RBM34: variants seen among roughly 807,000 people sequenced by gnomAD.
The protein encoded by RBM34 is RNA binding motif protein 34, also known as RNA-binding protein 34.
RBM34 carries 39 observed loss-of-function variants against 44.6 expected under a neutral mutation model. The observed-to-expected ratio is 0.87, with a 90% CI of 0.68 to 1.14. The LOEUF is 1.14. Ranked by LOEUF, RBM34 falls within the 50% of genes most tolerant of loss-of-function variation. The pLI, the probability that RBM34 is intolerant of heterozygous loss-of-function variation, is 0.00. For synonymous variants in RBM34, 194 were observed against 184.0 expected, an observed-to-expected ratio of 1.05 and a Z score of -0.44; for missense variants, 572 against 517.9, an observed-to-expected ratio of 1.10 and a Z score of -1.01.
At chr1:235,148,743 C>T (rs1662022089) in intron 5 of RBM34, among the ~76,000 whole-genome samples, 1 of 151,966 alleles carries the variant, frequency 6.6e-6, no homozygotes. Flanking sequence ...GGACTACAGG[C>T]GCCCGCCACC....
chr1:235,149,324 G>A (rs993373628), intron 5 of RBM34, among the ~76,000 whole-genome samples: 4 of 148,584 alleles, frequency 2.7e-5, no homozygotes, highest in African/African-American at 7.5e-5. Flanking sequence ...GGGAGGCGGA[G>A]CTTGCAGTGA....
chr1:235,145,825 G>A (rs556954010), intron 6 of RBM34, among the ~76,000 whole-genome samples: 9 of 152,016 alleles, frequency 5.9e-5, no homozygotes, highest in Non-Finnish European at 1.3e-4. Context: ...CTTGCTTGTC[G>A]CTCAGGCTAC....
In RBM34 at chr1:235,147,296, G is replaced by A. The variant is rs984328627; in HGVS notation, c.701+1108C>T. Among the ~76,000 whole-genome samples the A allele has an allele frequency of 3.9e-5, 6 of 152,232 alleles. No homozygotes were observed. In the East Asian group the frequency reaches 5.8e-4, roughly 15 times the overall value. On this transcript the variant is annotated intron_variant, in intron 6 of 10. Coordinates refer to ENST00000408888, the MANE Select transcript of RBM34 (RefSeq NM_015014.4). ...AGATGGGGCTGGAGGAGAAGCTGAC[G>A]GTATGGTGTGAAAATTCCAATTTTC...
intron 10 of RBM34, among the ~76,000 whole-genome samples, chr1:235,133,346 C>CA (rs1339877973): frequency 1.3e-5 from 2 of 151,820 alleles, no homozygotes; most frequent in East Asian, 1.9e-4. Context: ...GTCTCAAAAA[C>CA]AAAAAACACA....
At position 235,131,530 on chromosome 1, in the gene RBM34, A is replaced by C; in HGVS notation, c.*183T>G. The C allele has an allele frequency of 1.5e-6, 1 of 685,330 alleles. No individual in the cohort carries two copies. 42.5% of individuals were successfully genotyped at this position (685,330 alleles called of 1,614,324 possible). On this transcript the variant is annotated 3_prime_UTR_variant, in exon 11 of 11. Coordinates refer to ENST00000408888, the MANE Select transcript of RBM34 (RefSeq NM_015014.4). The stretch of plus-strand genomic sequence containing the variant: ...TCTCAAAAAACAAAACAAAAACAAA[A>C]AAACCTTCAAAGGTAGTATCACAAT...
intron 5 of RBM34, among the ~76,000 whole-genome samples, chr1:235,148,897 C>T (rs1232095368): frequency 6.6e-6 from 1 of 151,844 alleles, no homozygotes; most frequent in African/African-American, 2.4e-5. Context: ...CACGGCTGGC[C>T]AATCATCTTA....
chr1:235,144,088 G>A (rs910783978), intron 6 of RBM34, among the ~76,000 whole-genome samples: 4 of 151,996 alleles, frequency 2.6e-5, no homozygotes, highest in Non-Finnish European at 4.4e-5. Flanking sequence ...GAGGCAGAAG[G>A]ACTGCTTGAG....
intron 6 of RBM34, among the ~76,000 whole-genome samples, chr1:235,139,071 C>T (rs968451292): frequency 6.6e-6 from 1 of 152,144 alleles, no homozygotes; most frequent in Non-Finnish European, 1.5e-5. Context: ...TCAATGACTG[C>T]AGCTGCTGCT....
intron 6 of RBM34, among the ~76,000 whole-genome samples, chr1:235,141,170 T>C (rs1196063418): frequency 6.6e-6 from 1 of 151,838 alleles, no homozygotes; most frequent in South Asian, 2.1e-4. Flanking sequence ...GGTTTGTGAG[T>C]GCACCAATCG....
intron 4 of RBM34, among the ~76,000 whole-genome samples, chr1:235,154,140 G>A (rs1662291709): frequency 6.6e-6 from 1 of 152,056 alleles, no homozygotes; most frequent in Non-Finnish European, 1.5e-5. Context: ...CAGCTACTCA[G>A]GAGGCTGAGG....
intron 6 of RBM34, among the ~76,000 whole-genome samples, chr1:235,145,471 T>A (rs1442013699): frequency 4.6e-5 from 7 of 151,824 alleles, no homozygotes; most frequent in Admixed American, 4.6e-4. Flanking sequence ...AGAGATGAGG[T>A]CTCGCCACGC....
At chr1:235,160,750 G>A in intron 2 of RBM34, 103 bp from the exon 3 acceptor site, 1 of 1,499,658 alleles carries the variant, frequency 6.7e-7, no homozygotes. Context: ...CTCTCTCACT[G>A]GTATGTAAGA....
At chr1:235,155,344 CTT>C (rs199592826) in intron 3 of RBM34, among the ~76,000 whole-genome samples, 1 of 146,876 alleles carries the variant, frequency 6.8e-6, no homozygotes. Flanking sequence ...AAGTTAAGCT[CTT>C]TTTTTTTTTC....
In RBM34 at chr1:235,137,944, T is replaced by C. The variant is rs1469870303; in HGVS notation, c.786-4A>G. ...ATCTGCAATCTGGGCCCCATTTCTG[T>C]ATTATAAATACAAAGGGAAAATGGT... On this transcript the variant is annotated splice_polypyrimidine_tract_variant and splice_region_variant and intron_variant, in intron 7 of 10. Transcript: ENST00000408888. The C allele has an allele frequency of 3.1e-6, 5 of 1,600,954 alleles. No homozygotes were observed. Among genetic ancestry groups the C allele is most frequent in the Non-Finnish European group, 4.3e-6 (5 of 1,170,018 alleles).
intron 6 of RBM34, among the ~76,000 whole-genome samples, chr1:235,141,780 C>T (rs2102836566): frequency 6.6e-6 from 1 of 152,294 alleles, no homozygotes; most frequent in Non-Finnish European, 1.5e-5. Context: ...AGCTGTAACA[C>T]TCACTGCGAA....
chr1:235,131,916 TAAC>T lies in RBM34; in HGVS notation c.1087_1089del (p.Val363del). 1 of 1,613,618 alleles carries T rather than the reference TAAC, an allele frequency of 6.2e-7. No homozygotes were observed. Among genetic ancestry groups the T allele is most frequent in the South Asian group, 1.1e-5 (1 of 91,064 alleles). Reference sequence around the variant, plus strand: ...TTTTGTTGTTTAAATTTTTCTTTATTAACAGAACGCATGACTCTGAGTTTTCTC... The same window carrying T: ...TTTTGTTGTTTAAATTTTTCTTTATTAGAACGCATGACTCTGAGTTTTCTC... On this transcript the variant is annotated inframe_deletion, in exon 11 of 11. Coordinates refer to ENST00000408888, the MANE Select transcript of RBM34 (RefSeq NM_015014.4).
Position 235,138,098 on chromosome 1 carries a change from A to T in RBM34, c.778T>A (p.Leu260Met), listed in dbSNP as rs761532312. 1 of 1,607,034 alleles carries T rather than the reference A, an allele frequency of 6.2e-7. No homozygotes were observed. The highest frequency in any genetic ancestry group is 8.5e-7 in the Non-Finnish European group (1 of 1,176,462). Residue 260 changes from leucine to methionine, a missense_variant, in exon 7 of 11, where the codon TTG becomes ATG. Transcript: ENST00000408888. ...CCTAAGGGATAAAATTACCTTTTCA[A>T]TGCTTGCGTGGCAGCACTCTCCTCC... is the stretch of plus-strand genomic sequence containing the variant. ...FKEESAATQA[L>M]KRNGAQIADG...
At chr1:235,140,388 G>A (rs1027222942) in intron 6 of RBM34, among the ~76,000 whole-genome samples, 10 of 152,236 alleles carry the variant, frequency 6.6e-5, no homozygotes, top group Non-Finnish European at 1.0e-4. Context: ...GCAGCCGGCC[G>A]GCCCTGCAGG....
At chr1:235,155,862 T>TATATAC (rs1303363086) in intron 3 of RBM34, among the ~76,000 whole-genome samples, 409 of 39,734 alleles carry the variant, frequency 0.01, 11 homozygotes, top group African/African-American at 0.048. Context: ...TATATATATA[T>TATATAC]ATATACATAT....
Sources: allele counts gnomAD v4.1 joint callset (sites outside exome capture counted in the v4.1 genomes callset), GRCh38; gene constraint gnomAD v4.1.1; transcripts MANE v1.5; gene names NCBI Gene and HGNC (gene_info 2026-07-23, HGNC 2026-07-21).